The following STRBP variants were observed in gnomAD, a reference collection of about 807,000 sequenced individuals.
STRBP encodes the protein spermatid perinuclear RNA binding protein.
Under a neutral mutation model 80.1 loss-of-function variants are expected in STRBP, and 13 were observed. That is an observed-to-expected ratio of 0.16 (90% confidence interval 0.11 to 0.26). The LOEUF (loss-of-function observed/expected upper bound fraction) is 0.26. STRBP is among the 10% of genes least tolerant of loss of function. The pLI, the probability that STRBP is intolerant of heterozygous loss-of-function variation, is 1.00. For synonymous variants in STRBP, 284 were observed against 291.2 expected, an observed-to-expected ratio of 0.98 and a Z score of 0.25; for missense variants, 485 against 815.2, an observed-to-expected ratio of 0.59 and a Z score of 4.93.
chr9:123,163,302 G>A (rs570556973), intron 6 of STRBP, among the ~76,000 whole-genome samples: 1 of 152,172 alleles, frequency 6.6e-6, no homozygotes, highest in Non-Finnish European at 1.5e-5. Context: ...GGAGACAATG[G>A]CAAAAATATT....
chr9:123,118,449 G>A (rs1412742242), downstream of STRBP, among the ~76,000 whole-genome samples: 2 of 152,220 alleles, frequency 1.3e-5, no homozygotes, highest in African/African-American at 2.4e-5. Context: ...GGGTGGCACA[G>A]TTCATCTGCA....
intron 1 of STRBP, among the ~76,000 whole-genome samples, chr9:123,252,731 C>T (rs2040942677): frequency 6.6e-6 from 1 of 152,146 alleles, no homozygotes; most frequent in African/African-American, 2.4e-5. Flanking sequence ...TCTTGTTATG[C>T]TCACATAACC....
chr9:123,248,440 A>G (rs1004741306), intron 1 of STRBP, among the ~76,000 whole-genome samples: 1 of 151,076 alleles, frequency 6.6e-6, no homozygotes, highest in Non-Finnish European at 1.5e-5. Flanking sequence ...GATTTTTTTT[A>G]TTATTATTTT....
chr9:123,159,610 A>C lies in STRBP; in HGVS notation c.724-403T>G, dbSNP rs1200874687. 3.2e-4 allele frequency among the ~76,000 whole-genome samples: 48 copies of C among 152,188 alleles called. 1 individual carries two copies. Among genetic ancestry groups the C allele is most frequent in the Admixed American group, 3.1e-3 (48 of 15,268 alleles). On this transcript the variant is annotated intron_variant, in intron 8 of 18. Transcript: ENST00000348403. ...AAGCACACAAACCACAAATATTTCA[A>C]TATAATAATAAGACTTCGTTTCAGA...
chr9:123,200,630 C>T (rs552001619), intron 2 of STRBP, among the ~76,000 whole-genome samples: 41 of 148,444 alleles, frequency 2.8e-4, no homozygotes, highest in African/African-American at 7.4e-4. Flanking sequence ...TGCAGTGGCG[C>T]GAACTCGGCT....
intron 2 of STRBP, among the ~76,000 whole-genome samples, chr9:123,216,428 G>T (rs1447743036): frequency 6.6e-6 from 1 of 152,172 alleles, no homozygotes; most frequent in Non-Finnish European, 1.5e-5. Context: ...CTTCAGGGTG[G>T]GAATACGTGC....
chr9:123,111,551 G>A, intron 3 of STRBP: 1 of 467,268 alleles, frequency 2.1e-6, no homozygotes. Context: ...GGCAGGGGCA[G>A]GGCTGGCCTG....
intron 2 of STRBP, among the ~76,000 whole-genome samples, chr9:123,195,588 C>T (rs1189674948): frequency 1.3e-5 from 2 of 152,078 alleles, no homozygotes; most frequent in Non-Finnish European, 2.9e-5. Flanking sequence ...AAAATAATCC[C>T]ATTTATAATG....
intron 2 of STRBP, among the ~76,000 whole-genome samples, chr9:123,195,920 T>A (rs1438049986): frequency 6.6e-6 from 1 of 152,126 alleles, no homozygotes; most frequent in East Asian, 1.9e-4. Context: ...AGAACAAAAC[T>A]GGAGGAATTA....
Position 123,125,111 on chromosome 9 carries a change from T to C in STRBP, c.*486A>G, listed in dbSNP as rs2035844084. ...AAGTTAAAGTTAAATGAAAAGTCTC[T>C]ATTGTATTAAAAAAAATAACTACAG... On this transcript the variant is annotated 3_prime_UTR_variant, in exon 19 of 19. Coordinates refer to ENST00000348403, the MANE Select transcript of STRBP (RefSeq NM_018387.5). 3 of 985,852 alleles carry C rather than the reference T, an allele frequency of 3.0e-6. No individual in the cohort carries two copies. The highest frequency in any genetic ancestry group is 5.2e-4 in the Middle Eastern group (1 of 1,914). The allele number at this position is 985,852 out of a possible 1,614,324, so 61.1% of individuals were successfully genotyped here. A position where few individuals can be genotyped will look rare whatever the true frequency, so the allele number is the denominator to read the frequency against.
intron 2 of STRBP, among the ~76,000 whole-genome samples, chr9:123,236,257 CTACT>C (rs1300524102): frequency 2.6e-5 from 4 of 152,044 alleles, no homozygotes; most frequent in East Asian, 1.9e-4. Flanking sequence ...ACAATACATG[CTACT>C]TACTAAGAAA....
chr9:123,207,491 C>CT (rs34354505), intron 2 of STRBP, among the ~76,000 whole-genome samples: 2 of 152,040 alleles, frequency 1.3e-5, no homozygotes, highest in Non-Finnish European at 2.9e-5. Flanking sequence ...TACAGACATA[C>CT]TTTTTTAGTA....
downstream of STRBP, among the ~76,000 whole-genome samples, chr9:123,118,256 C>T (rs993172236): frequency 1.3e-5 from 2 of 152,154 alleles, no homozygotes; most frequent in Non-Finnish European, 2.9e-5. Context: ...CAAATGTTGG[C>T]ATCTCTCCTT....
intron 2 of STRBP, among the ~76,000 whole-genome samples, chr9:123,229,955 T>C (rs1488700922): frequency 1.3e-5 from 2 of 152,194 alleles, no homozygotes; most frequent in Non-Finnish European, 2.9e-5. Flanking sequence ...TTTCCAGCTA[T>C]GTTCAGATGC....
At chr9:123,144,511 G>C (rs981448927) in intron 13 of STRBP, among the ~76,000 whole-genome samples, 1 of 152,134 alleles carries the variant, frequency 6.6e-6, no homozygotes, top group Non-Finnish European at 1.5e-5. Flanking sequence ...CAGTGAATTT[G>C]CATCAAACTT....
intron 2 of STRBP, among the ~76,000 whole-genome samples, chr9:123,219,016 G>A (rs1448346970): frequency 6.6e-6 from 1 of 152,142 alleles, no homozygotes; most frequent in African/African-American, 2.4e-5. Flanking sequence ...AAATGAGGAA[G>A]TGACAAAGTC....
chr9:123,237,620 G>A (rs1490157447), intron 1 of STRBP, among the ~76,000 whole-genome samples: 3 of 150,998 alleles, frequency 2.0e-5, no homozygotes, highest in South Asian at 2.1e-4. Context: ...ATTCACCTAC[G>A]TCCCCAAATG....
At chr9:123,264,562 C>G (rs2041228848) in intron 1 of STRBP, among the ~76,000 whole-genome samples, 1 of 152,232 alleles carries the variant, frequency 6.6e-6, no homozygotes, top group South Asian at 2.1e-4. Flanking sequence ...TCCCGAAAGA[C>G]TTAAACTTGT....
chr9:123,265,567 C>T, intron 1 of STRBP, among the ~76,000 whole-genome samples: 1 of 152,192 alleles, frequency 6.6e-6, no homozygotes. Flanking sequence ...GGAAACCTTG[C>T]TTACTGAAGC....
Sources: gnomAD v4.1 joint callset for allele counts (sites outside exome capture counted in the v4.1 genomes callset) on GRCh38, gnomAD v4.1.1 for gene constraint, MANE v1.5 for transcripts, NCBI Gene and HGNC (gene_info 2026-07-23, HGNC 2026-07-21) for gene names.